Variants in RPTOR observed in about 807,000 individuals in gnomAD.
RPTOR encodes regulatory-associated protein of mTOR.
A neutral mutation model predicts 169.9 loss-of-function variants in RPTOR; 21 were observed. The ratio of observed to expected loss-of-function variants is 0.12; its 90% CI spans 0.09 to 0.18. The LOEUF (loss-of-function observed/expected upper bound fraction) is 0.18. RPTOR is among the 10% of genes least tolerant of loss of function. The pLI is 1.00. For missense variants in RPTOR, 1,133 were observed against 1,855.9 expected (o/e 0.61, Z 7.16); for synonymous variants, 732 against 753.2 (o/e 0.97, Z 0.46).
chr17:80,632,291 G>C lies in RPTOR; in HGVS notation c.265+6498G>C, dbSNP rs867537283. The stretch of plus-strand genomic sequence containing the variant: ...CAGCAATGCTTATGTTAGGCTTTTC[G>C]AACAAGCCTTCCTCATGCGGATCCC... On this transcript the variant is annotated intron_variant, in intron 2 of 33. Coordinates refer to ENST00000306801, the MANE Select transcript of RPTOR (RefSeq NM_020761.3). 2.4e-4 allele frequency among the ~76,000 whole-genome samples: 36 copies of C among 152,284 alleles called. 1 individual carries two copies. Among genetic ancestry groups the C allele is most frequent in the Middle Eastern group, 3.4e-3 (1 of 294 alleles).
intron 3 of RPTOR, among the ~76,000 whole-genome samples, chr17:80,698,564 C>T (rs752130964): frequency 2.0e-5 from 3 of 152,188 alleles, no homozygotes; most frequent in Non-Finnish European, 4.4e-5. Flanking sequence ...CACCTTCCAT[C>T]CTAGGCCGGC....
In RPTOR at chr17:80,950,446, C is replaced by T. The variant is rs543685840; in HGVS notation, c.3370+899C>T. On this transcript the variant is annotated intron_variant, in intron 28 of 33. Transcript: ENST00000306801. ...CTGTCCCGGGAGATGCCAACCCTCA[C>T]GTGCCTCGGGACGTCATGGGGGCAG... Among the ~76,000 whole-genome samples, 7 of 152,274 alleles carry T rather than the reference C, an allele frequency of 4.6e-5. No individual in the cohort carries two copies. In the South Asian group the frequency reaches 8.3e-4, roughly 18 times the overall value.
At chr17:80,895,194 C>T (rs1287278339) in intron 20 of RPTOR, among the ~76,000 whole-genome samples, 1 of 152,230 alleles carries the variant, frequency 6.6e-6, no homozygotes, top group East Asian at 1.9e-4. Flanking sequence ...CCCAGCTCTG[C>T]TGGGCCCCAG....
At chr17:80,893,279 C>A (rs1490737456) in intron 19 of RPTOR, among the ~76,000 whole-genome samples, 1 of 137,160 alleles carries the variant, frequency 7.3e-6, no homozygotes, top group Non-Finnish European at 1.6e-5. Context: ...TGCGTGTGTA[C>A]CAGGGTGTGT....
At chr17:80,922,612 A>G in intron 21 of RPTOR, 112 bp from the exon 22 acceptor site, 1 of 831,334 alleles carries the variant, frequency 1.2e-6, no homozygotes, top group Non-Finnish European at 1.9e-6. Context: ...TTCCTCGGCC[A>G]AAGGCCTTTT....
chr17:80,683,949 TC>T (rs71163993), intron 3 of RPTOR, among the ~76,000 whole-genome samples: 255 of 152,296 alleles, frequency 1.7e-3, no homozygotes, highest in Middle Eastern at 6.8e-3. Context: ...TGGCATTGAC[TC>T]CCTCATCCTC....
At chr17:80,725,811 A>G (rs1044398462) in intron 4 of RPTOR, among the ~76,000 whole-genome samples, 3 of 152,222 alleles carry the variant, frequency 2.0e-5, no homozygotes, top group Non-Finnish European at 4.4e-5. Flanking sequence ...TTGGTTTTAT[A>G]TTCCCTGAGG....
At chr17:80,696,770 C>G (rs921779489) in intron 3 of RPTOR, among the ~76,000 whole-genome samples, 1 of 152,208 alleles carries the variant, frequency 6.6e-6, no homozygotes, top group African/African-American at 2.4e-5. Context: ...CCAGCCCCCC[C>G]AAGCACCAAT....
intron 4 of RPTOR, among the ~76,000 whole-genome samples, chr17:80,711,622 G>A (rs1191380234): frequency 6.6e-6 from 1 of 151,596 alleles, no homozygotes; most frequent in African/African-American, 2.4e-5. Flanking sequence ...CATTGCATCT[G>A]TTCCTTATGC....
At chr17:80,698,553 G>C (rs1228085648) in intron 3 of RPTOR, among the ~76,000 whole-genome samples, 2 of 152,162 alleles carry the variant, frequency 1.3e-5, no homozygotes, top group Non-Finnish European at 2.9e-5. Flanking sequence ...TTACGTGGGG[G>C]CACCTTCCAT....
chr17:80,867,710 A>G (rs1025630927), intron 13 of RPTOR, among the ~76,000 whole-genome samples: 2 of 152,246 alleles, frequency 1.3e-5, no homozygotes, highest in African/African-American at 2.4e-5. Flanking sequence ...CAATTTATGT[A>G]TATACACTAG....
At chr17:80,838,019 C>T (rs1296155289) in intron 10 of RPTOR, 22 bp downstream of exon 10, 4 of 1,596,528 alleles carry the variant, frequency 2.5e-6, no homozygotes, top group South Asian at 2.2e-5. Flanking sequence ...CAAGGGCACC[C>T]TGTGCATCCG....
intron 7 of RPTOR, among the ~76,000 whole-genome samples, chr17:80,806,704 T>G (rs60822329): frequency 0.015 from 2,343 of 152,356 alleles, 68 homozygotes; most frequent in African/African-American, 0.054. Flanking sequence ...AAATCCCTGC[T>G]CTACCATCAT....
At chr17:80,916,362 C>T (rs866012040) in intron 21 of RPTOR, among the ~76,000 whole-genome samples, 62 of 152,348 alleles carry the variant, frequency 4.1e-4, no homozygotes, top group Middle Eastern at 3.4e-3. Context: ...CTGGCCCAGC[C>T]ACAGCCTTGC....
At chr17:80,743,495 G>C (rs1334273325) in intron 5 of RPTOR, 5 of 976,708 alleles carry the variant, frequency 5.1e-6, no homozygotes, top group Non-Finnish European at 6.1e-6. Context: ...AGCTCCAGCA[G>C]CGCGTTCGGA....
chr17:80,575,826 G>A (rs1485594938), intron 1 of RPTOR, among the ~76,000 whole-genome samples: 2 of 152,100 alleles, frequency 1.3e-5, no homozygotes, highest in African/African-American at 4.8e-5. Flanking sequence ...CACCATCATT[G>A]TAAATATGTC....
intron 4 of RPTOR, among the ~76,000 whole-genome samples, chr17:80,722,490 T>C (rs1471056984): frequency 2.7e-5 from 4 of 150,632 alleles, no homozygotes; most frequent in Non-Finnish European, 4.4e-5. Context: ...AAGAATGAGC[T>C]GAGGCAGCCG....
chr17:80,829,222 A>T (rs1482176706), intron 9 of RPTOR, among the ~76,000 whole-genome samples: 1 of 151,994 alleles, frequency 6.6e-6, no homozygotes, highest in African/African-American at 2.4e-5. Flanking sequence ...AGAAATCATT[A>T]CATACTTCTT....
At position 80,659,159 on chromosome 17, in the gene RPTOR, C is replaced by G. The variant is rs2065701731; in HGVS notation, c.348+15349C>G. On this transcript the variant is annotated intron_variant, in intron 3 of 33. Transcript: ENST00000306801. The surrounding 1 kb of genome is among the most constrained non-coding windows in gnomAD (Gnocchi z 4.3). ...CTGCAGGCTGGAGCCCATGAGTGGT[C>G]CCCGAGAGATTGCCTCCGAGCGCTG... is the stretch of plus-strand genomic sequence containing the variant. 6.6e-6 allele frequency among the ~76,000 whole-genome samples: 1 copy of G among 152,140 alleles called. No individual in the cohort carries two copies. Among genetic ancestry groups the G allele is most frequent in the Non-Finnish European group, 1.5e-5 (1 of 68,044 alleles).
Sources: allele counts gnomAD v4.1 joint callset (sites outside exome capture counted in the v4.1 genomes callset), GRCh38; gene constraint gnomAD v4.1.1; non-coding constraint Gnocchi (gnomAD v3.1); transcripts MANE v1.5; gene names NCBI Gene and HGNC (gene_info 2026-07-23, HGNC 2026-07-21).